The following RSRC1 variants were observed in gnomAD, a reference collection of about 807,000 sequenced individuals.
The protein encoded by RSRC1 is serine/Arginine-related protein 53.
In RSRC1, 39 loss-of-function variants were observed where a neutral mutation model predicts 49.1. The ratio of observed to expected loss-of-function variants is 0.79; its 90% CI spans 0.61 to 1.04. The LOEUF is 1.04. Among genes scored for constraint, RSRC1 ranks in the 50% least tolerant of loss-of-function variants. The pLI is 0.00. For synonymous variants in RSRC1, 143 were observed against 130.8 expected, an observed-to-expected ratio of 1.09 and a Z score of -0.63; for missense variants, 388 against 402.4, an observed-to-expected ratio of 0.96 and a Z score of 0.31.
In RSRC1 at chr3:158,292,534, A is replaced by G. The variant is rs115676153; in HGVS notation, c.495-5505A>G. ...GACCATTTTATCAGTTTTGAGACCTATAATTGAATTAAGTCTGCTTTCAGC... is the reference window on the plus strand; with the variant it reads ...GACCATTTTATCAGTTTTGAGACCTGTAATTGAATTAAGTCTGCTTTCAGC... On this transcript the variant is annotated intron_variant, in intron 4 of 9. Coordinates refer to ENST00000611884, the MANE Select transcript of RSRC1 (RefSeq NM_001271838.2). Among the ~76,000 whole-genome samples the G allele has an allele frequency of 9.2e-3, 1,400 of 152,298 alleles. 12 individuals carry two copies. Among genetic ancestry groups the G allele is most frequent in the Non-Finnish European group, 0.015 (1,016 of 68,028 alleles).
intron 4 of RSRC1, among the ~76,000 whole-genome samples, chr3:158,229,528 G>A (rs1448453516): frequency 6.7e-6 from 1 of 148,984 alleles, no homozygotes; most frequent in Non-Finnish European, 1.5e-5. Flanking sequence ...TTAATTGTGT[G>A]TGTGTGTGTT....
At chr3:158,440,842 C>G (rs990370625) in intron 6 of RSRC1, among the ~76,000 whole-genome samples, 4 of 151,632 alleles carry the variant, frequency 2.6e-5, no homozygotes, top group Admixed American at 6.6e-5. Context: ...CTTGGGAGGC[C>G]GAGGTAGGAG....
chr3:158,167,470 C>G (rs1308357610), intron 3 of RSRC1, among the ~76,000 whole-genome samples: 2 of 152,192 alleles, frequency 1.3e-5, no homozygotes, highest in South Asian at 4.1e-4. Context: ...GGATTACAGG[C>G]GTGAACCACT....
At chr3:158,212,914 G>GT (rs903374682) in intron 4 of RSRC1, among the ~76,000 whole-genome samples, 3 of 151,870 alleles carry the variant, frequency 2.0e-5, no homozygotes, top group Non-Finnish European at 4.4e-5. Context: ...AGTCTGCTGT[G>GT]TATTTTTTTA....
chr3:158,474,548 T>A (rs1282064419), intron 7 of RSRC1, among the ~76,000 whole-genome samples: 1 of 152,194 alleles, frequency 6.6e-6, no homozygotes, highest in Admixed American at 6.5e-5. Flanking sequence ...TGATTGACTC[T>A]TCCTATCATG....
intron 4 of RSRC1, among the ~76,000 whole-genome samples, chr3:158,265,216 C>T (rs550523029): frequency 2.2e-4 from 34 of 152,294 alleles, no homozygotes; most frequent in African/African-American, 8.2e-4. Context: ...CAGGGTTTTG[C>T]ACAACATTAA....
chr3:158,353,995 C>CTTTTTTTTTTTTTTT (rs1230649090), intron 5 of RSRC1, among the ~76,000 whole-genome samples: 2 of 96,306 alleles, frequency 2.1e-5, no homozygotes, highest in East Asian at 3.2e-4. Context: ...GTTTCTTTTT[C>CTTTTTTTTTTTTTTT]TTTTTTTTTT....
intron 7 of RSRC1, among the ~76,000 whole-genome samples, chr3:158,520,560 C>T (rs1711599738): frequency 6.6e-6 from 1 of 152,076 alleles, no homozygotes; most frequent in Non-Finnish European, 1.5e-5. Flanking sequence ...ATGTGTTGGA[C>T]AGTAATTGAT....
intron 4 of RSRC1, among the ~76,000 whole-genome samples, chr3:158,236,662 A>T (rs913286276): frequency 1.3e-5 from 2 of 152,104 alleles, no homozygotes; most frequent in African/African-American, 4.8e-5. Context: ...CCTTTTATTG[A>T]TGAGTAGTAT....
At chr3:158,372,839 G>A (rs1160962786) in intron 6 of RSRC1, among the ~76,000 whole-genome samples, 1 of 151,794 alleles carries the variant, frequency 6.6e-6, no homozygotes. Flanking sequence ...ACATGGTATA[G>A]CTTTCCATTT....
chr3:158,352,226 C>T (rs1227382285), intron 5 of RSRC1, among the ~76,000 whole-genome samples: 1 of 151,966 alleles, frequency 6.6e-6, no homozygotes, highest in Non-Finnish European at 1.5e-5. Flanking sequence ...GAGCCATGAT[C>T]ACACTGCTGC....
chr3:158,244,057 A>C (rs1251086812), intron 4 of RSRC1, among the ~76,000 whole-genome samples: 1 of 150,694 alleles, frequency 6.6e-6, no homozygotes, highest in African/African-American at 2.4e-5. Flanking sequence ...ATATAGGATT[A>C]CACCATCTGC....
chr3:158,364,883 T>G (rs2108257776), intron 6 of RSRC1, among the ~76,000 whole-genome samples: 1 of 150,246 alleles, frequency 6.7e-6, no homozygotes. Context: ...ATAAATTAAT[T>G]TAATAAAGTC....
chr3:158,122,006 AAAAT>A (rs925844951), intron 1 of RSRC1, 93 bp from the exon 2 acceptor site: 21 of 696,594 alleles, frequency 3.0e-5, no homozygotes, highest in Non-Finnish European at 3.8e-5. Flanking sequence ...CCCCATCTCT[AAAAT>A]AAATAAATAA....
intron 5 of RSRC1, among the ~76,000 whole-genome samples, chr3:158,327,028 T>A (rs372338785): frequency 6.6e-6 from 1 of 152,226 alleles, no homozygotes; most frequent in East Asian, 1.9e-4. Context: ...GAGGTGTTTA[T>A]AGTATTCTCT....
At chr3:158,429,280 CT>C (rs1735637567) in intron 6 of RSRC1, among the ~76,000 whole-genome samples, 1 of 151,180 alleles carries the variant, frequency 6.6e-6, no homozygotes, top group Non-Finnish European at 1.5e-5. Context: ...AAATATTATG[CT>C]GCTGTTAACA....
intron 5 of RSRC1, among the ~76,000 whole-genome samples, chr3:158,300,342 CATCT>C (rs1215240830): frequency 1.3e-5 from 2 of 152,146 alleles, no homozygotes; most frequent in African/African-American, 4.8e-5. Flanking sequence ...TTCATCTATC[CATCT>C]GTCTGTTTAT....
chr3:158,253,433 A>T (rs1724342050), intron 4 of RSRC1, among the ~76,000 whole-genome samples: 1 of 152,152 alleles, frequency 6.6e-6, no homozygotes, highest in Non-Finnish European at 1.5e-5. Flanking sequence ...GTAAGAGAAG[A>T]TACTTGATAT....
intron 6 of RSRC1, among the ~76,000 whole-genome samples, chr3:158,425,188 A>G (rs936928318): frequency 2.6e-5 from 4 of 151,288 alleles, no homozygotes; most frequent in South Asian, 2.1e-4. Context: ...TCAATTTTGG[A>G]TTTTTCCTGC....
Sources: allele counts gnomAD v4.1 joint callset (sites outside exome capture counted in the v4.1 genomes callset), GRCh38; gene constraint gnomAD v4.1.1; transcripts MANE v1.5; gene names NCBI Gene and HGNC (gene_info 2026-07-23, HGNC 2026-07-21).